The following CAMTA1 variants were observed in gnomAD, a reference collection of about 807,000 sequenced individuals.
CAMTA1 encodes calmodulin binding transcription activator 1.
In CAMTA1, 27 loss-of-function variants were observed where a neutral mutation model predicts 170.9. The ratio of observed to expected loss-of-function variants is 0.16; its 90% CI spans 0.12 to 0.22. The LOEUF (loss-of-function observed/expected upper bound fraction) is 0.22, where lower values mean the gene tolerates loss of function less well. CAMTA1 is among the 10% of genes least tolerant of loss of function. The pLI, the probability that CAMTA1 is intolerant of heterozygous loss-of-function variation, is 1.00. For missense variants in CAMTA1, 1,619 were observed against 2,217.2 expected, an observed-to-expected ratio of 0.73 and a Z score of 5.42; for synonymous variants, 833 against 891.5, an observed-to-expected ratio of 0.93 and a Z score of 1.17.
At chr1:7,401,231 G>T (rs72853171) in intron 5 of CAMTA1, among the ~76,000 whole-genome samples, 2,063 of 152,228 alleles carry the variant, frequency 0.014, 40 homozygotes, top group African/African-American at 0.046. Context: ...TAATGTATGG[G>T]TATACAAATT....
At chr1:7,219,860 A>T (rs1285475706) in intron 4 of CAMTA1, among the ~76,000 whole-genome samples, 1 of 152,028 alleles carries the variant, frequency 6.6e-6, no homozygotes, top group Non-Finnish European at 1.5e-5. Context: ...ACACAGGGAG[A>T]CCCCATCTCT....
intron 4 of CAMTA1, among the ~76,000 whole-genome samples, chr1:7,225,981 G>A (rs973399340): frequency 6.6e-6 from 1 of 152,188 alleles, no homozygotes; most frequent in Non-Finnish European, 1.5e-5. Context: ...GATGGCAGAT[G>A]TGGGATGGCC....
rs1339518634 is a variant in CAMTA1, at chr1:7,677,636, C to A, written c.2817C>A (p.Phe939Leu). Reference protein sequence around the residue: ...DTGLVTLQVAFNNQIISNSVV... With the variant: ...DTGLVTLQVALNNQIISNSVV... ...GTCTTGTGACCCTACAAGTTGCCTTCAACAACCAGATCATCTCCAACTCGG... is the reference window on the plus strand; with the variant it reads ...GTCTTGTGACCCTACAAGTTGCCTTAAACAACCAGATCATCTCCAACTCGG... The change falls in exon 11 of 23, where the codon TTC becomes TTA. Residue 939 changes from phenylalanine (F) to leucine (L), a missense_variant. Phe to Leu is a conservative substitution (Grantham distance 22). Coordinates refer to ENST00000303635, the MANE Select transcript of CAMTA1 (RefSeq NM_015215.4). 5.0e-6 allele frequency: 8 copies of A among 1,614,010 alleles called. No homozygotes were observed. In the East Asian group the frequency reaches 1.3e-4, roughly 27 times the overall value.
intron 6 of CAMTA1, among the ~76,000 whole-genome samples, chr1:7,523,233 G>A (rs1453178735): frequency 1.3e-5 from 2 of 152,144 alleles, no homozygotes; most frequent in Non-Finnish European, 2.9e-5. Flanking sequence ...CTATAACTCT[G>A]TATTAATCCT....
In CAMTA1 at chr1:7,736,238, C is replaced by T. The variant is rs966269752; in HGVS notation, c.3067-106C>T. On this transcript the variant is annotated intron_variant, in intron 12 of 22. Transcript: ENST00000303635. The surrounding 1 kb of genome is among the most constrained non-coding windows in gnomAD (Gnocchi z 4.5). The stretch of plus-strand genomic sequence containing the variant: ...TTTATTTTCAGTGTTTTATGTTTTC[C>T]GTTGTGAGTTTCTAATCGTAAAGCA... 59 of 921,618 alleles carry T rather than the reference C, an allele frequency of 6.4e-5. No homozygotes were observed. In the African/African-American group the frequency reaches 7.9e-4, roughly 12 times the overall value. The allele number at this position is 921,618 out of a possible 1,614,324, so 57.1% of individuals were successfully genotyped here.
intron 5 of CAMTA1, among the ~76,000 whole-genome samples, chr1:7,394,053 G>A (rs968481733): frequency 3.9e-5 from 6 of 152,162 alleles, no homozygotes; most frequent in African/African-American, 1.4e-4. Flanking sequence ...TGACTGAAGA[G>A]TATTCCATTG....
intron 4 of CAMTA1, among the ~76,000 whole-genome samples, chr1:7,126,778 T>A (rs1320396844): frequency 2.0e-5 from 3 of 152,146 alleles, no homozygotes; most frequent in Non-Finnish European, 4.4e-5. Context: ...ATTTCTTTTT[T>A]ATGTTTTTTT....
intron 6 of CAMTA1, among the ~76,000 whole-genome samples, chr1:7,472,426 G>A (rs113172590): frequency 1.3e-5 from 2 of 152,124 alleles, no homozygotes; most frequent in African/African-American, 4.8e-5. Flanking sequence ...GCTGACTCCT[G>A]GCTGGGCAGT....
chr1:7,616,950 C>T (rs879519821), intron 6 of CAMTA1, among the ~76,000 whole-genome samples: 1 of 152,162 alleles, frequency 6.6e-6, no homozygotes, highest in Non-Finnish European at 1.5e-5. Context: ...AATCTGTCTC[C>T]CAAGTAAGTC....
At chr1:7,119,128 T>G (rs1401917755) in intron 4 of CAMTA1, among the ~76,000 whole-genome samples, 3 of 152,196 alleles carry the variant, frequency 2.0e-5, no homozygotes, top group Non-Finnish European at 2.9e-5. Context: ...CAGTTCAGAT[T>G]TCAGAAATTA....
chr1:7,007,005 A>G lies in CAMTA1; in HGVS notation c.235-84299A>G, dbSNP rs1297272565. ...CTTAACAAGAATGTCAGATGGTAGT[A>G]AAAAAAAAAAAAAAAAATAAGAATT... On this transcript the variant is annotated intron_variant, in intron 3 of 22. Transcript: ENST00000303635. The surrounding 1 kb of genome is among the most constrained non-coding windows in gnomAD (Gnocchi z 4.5). Among the ~76,000 whole-genome samples the G allele has an allele frequency of 2.1e-5, 3 of 140,504 alleles. No homozygotes were observed. Among genetic ancestry groups the G allele is most frequent in the African/African-American group, 5.1e-5 (2 of 39,506 alleles). 92.2% of individuals were successfully genotyped at this position (140,504 alleles called of 152,430 possible). A position where few individuals can be genotyped will look rare whatever the true frequency, so the allele number is the denominator to read the frequency against.
chr1:7,053,487 A>G (rs1706789808), intron 3 of CAMTA1, among the ~76,000 whole-genome samples: 1 of 152,148 alleles, frequency 6.6e-6, no homozygotes. Context: ...GCCTTGTTAG[A>G]ATGAGCGTCA....
At chr1:7,090,420 T>C (rs1452856886) in intron 3 of CAMTA1, among the ~76,000 whole-genome samples, 2 of 152,198 alleles carry the variant, frequency 1.3e-5, no homozygotes, top group Non-Finnish European at 2.9e-5. Context: ...GGGCAGGAGC[T>C]GCGTGTTGTA....
At chr1:6,913,270 C>T (rs1680095862) in intron 3 of CAMTA1, among the ~76,000 whole-genome samples, 1 of 152,172 alleles carries the variant, frequency 6.6e-6, no homozygotes, top group Admixed American at 6.5e-5. Context: ...GTGAGTTGGC[C>T]TCCCCACCCT....
intron 3 of CAMTA1, among the ~76,000 whole-genome samples, chr1:7,049,254 G>A (rs1179141490): frequency 6.6e-6 from 1 of 152,122 alleles, no homozygotes; most frequent in Admixed American, 6.5e-5. Context: ...AGTCAGAAAG[G>A]CAGTGAGCCA....
At chr1:6,958,542 C>G (rs559158255) in intron 3 of CAMTA1, among the ~76,000 whole-genome samples, 10 of 152,308 alleles carry the variant, frequency 6.6e-5, no homozygotes, top group Non-Finnish European at 1.2e-4. Flanking sequence ...CAGCTCCAGG[C>G]CTATTACTGA....
intron 5 of CAMTA1, among the ~76,000 whole-genome samples, chr1:7,314,999 G>A (rs893309530): frequency 6.6e-6 from 1 of 152,238 alleles, no homozygotes; most frequent in African/African-American, 2.4e-5. Flanking sequence ...AGAATGATTA[G>A]ATTCAGTGAA....
chr1:7,031,556 T>A (rs1269845219), intron 3 of CAMTA1, among the ~76,000 whole-genome samples: 4 of 152,196 alleles, frequency 2.6e-5, no homozygotes, highest in Non-Finnish European at 5.9e-5. Flanking sequence ...CTTTTTTTTC[T>A]TGAGACAGAC....
intron 6 of CAMTA1, among the ~76,000 whole-genome samples, chr1:7,558,085 A>T (rs2150233124): frequency 6.6e-6 from 1 of 150,656 alleles, no homozygotes; most frequent in South Asian, 2.1e-4. Context: ...GCTCTCTGCC[A>T]CTCCCCCAGC....
Sources: allele counts gnomAD v4.1 joint callset (sites outside exome capture counted in the v4.1 genomes callset), GRCh38; gene constraint gnomAD v4.1.1; non-coding constraint Gnocchi (gnomAD v3.1); transcripts MANE v1.5; gene names NCBI Gene and HGNC (gene_info 2026-07-23, HGNC 2026-07-21).